NR6A1: variants seen among roughly 807,000 people sequenced by gnomAD.
The protein encoded by NR6A1 is nuclear receptor subfamily 6 group A member 1.
NR6A1 carries 7 observed loss-of-function variants against 59.1 expected under a neutral mutation model. The ratio of observed to expected loss-of-function variants is 0.12; its 90% CI spans 0.07 to 0.22. The LOEUF is 0.22. NR6A1 is among the 10% of genes least tolerant of loss of function. The pLI, the probability that NR6A1 is intolerant of heterozygous loss-of-function variation, is 1.00. For missense variants in NR6A1, 468 were observed against 611.6 expected, an observed-to-expected ratio of 0.77 and a Z score of 2.48; for synonymous variants, 243 against 236.1, an observed-to-expected ratio of 1.03 and a Z score of -0.27.
intron 1 of NR6A1, among the ~76,000 whole-genome samples, chr9:124,766,142 G>A (rs1367445886): frequency 6.6e-6 from 1 of 152,084 alleles, no homozygotes; most frequent in Non-Finnish European, 1.5e-5. Context: ...CAATACCCAA[G>A]AAAGAATTAC....
At chr9:124,680,532 T>C (rs775505944) in intron 2 of NR6A1, among the ~76,000 whole-genome samples, 1 of 152,164 alleles carries the variant, frequency 6.6e-6, no homozygotes, top group East Asian at 1.9e-4. Context: ...GCTAAATATT[T>C]AGGCAATAAG....
intron 7 of NR6A1, among the ~76,000 whole-genome samples, chr9:124,529,892 T>G (rs896381375): frequency 6.6e-6 from 1 of 152,094 alleles, no homozygotes; most frequent in Non-Finnish European, 1.5e-5. Context: ...GCCAATTTCT[T>G]TCAGTATCTG....
intron 3 of NR6A1, among the ~76,000 whole-genome samples, chr9:124,549,277 C>T (rs1320594157): frequency 2.0e-5 from 3 of 152,062 alleles, no homozygotes; most frequent in Non-Finnish European, 2.9e-5. Flanking sequence ...ACCACATGTG[C>T]AAAACAGGAA....
intron 1 of NR6A1, among the ~76,000 whole-genome samples, chr9:124,765,079 G>C (rs558320835): frequency 6.6e-6 from 1 of 152,206 alleles, no homozygotes; most frequent in Admixed American, 6.5e-5. Flanking sequence ...GAATCCAAAG[G>C]CCTCATCATT....
At chr9:124,556,308 A>G (rs1250445454) in intron 2 of NR6A1, among the ~76,000 whole-genome samples, 4 of 152,170 alleles carry the variant, frequency 2.6e-5, no homozygotes, top group Admixed American at 2.6e-4. Context: ...GCAAAAGAGA[A>G]GGTGATACGA....
rs533156010 is a variant in NR6A1, at chr9:124,628,588, C to T, written c.143-74018G>A. On this transcript the variant is annotated intron_variant, in intron 2 of 9. Coordinates refer to ENST00000487099, the MANE Select transcript of NR6A1 (RefSeq NM_033334.4). ...CAATCTCCTGACCTTGTGATCCGTCCGCCTTGGCTCCCAAAGTGCTGGGAT... is the reference window on the plus strand; with the variant it reads ...CAATCTCCTGACCTTGTGATCCGTCTGCCTTGGCTCCCAAAGTGCTGGGAT... 4.0e-5 allele frequency among the ~76,000 whole-genome samples: 6 copies of T among 151,456 alleles called. No individual in the cohort carries two copies. The South Asian group carries it at 6.3e-4, about 16-fold the overall frequency.
intron 2 of NR6A1, among the ~76,000 whole-genome samples, chr9:124,694,755 G>A (rs954128462): frequency 6.6e-6 from 1 of 152,142 alleles, no homozygotes; most frequent in South Asian, 2.1e-4. Context: ...AGTAAGAGAA[G>A]AGTCTTGTCA....
At chr9:124,582,690 C>T (rs976480541) in intron 2 of NR6A1, among the ~76,000 whole-genome samples, 1 of 152,028 alleles carries the variant, frequency 6.6e-6, no homozygotes, top group African/African-American at 2.4e-5. Context: ...AATTTGAGAC[C>T]AGCCAGGCCA....
chr9:124,703,165 A>G (rs998302465), intron 2 of NR6A1, among the ~76,000 whole-genome samples: 26 of 150,792 alleles, frequency 1.7e-4, no homozygotes, highest in Non-Finnish European at 1.5e-5. Flanking sequence ...TCAGCCTCCC[A>G]AAGTGCTGAG....
At chr9:124,608,029 G>T (rs986732871) in intron 2 of NR6A1, among the ~76,000 whole-genome samples, 2 of 152,024 alleles carry the variant, frequency 1.3e-5, no homozygotes, top group Non-Finnish European at 2.9e-5. Context: ...CCGTGATCAC[G>T]CCATCGTACT....
At chr9:124,633,896 T>C (rs1836520893) in intron 2 of NR6A1, among the ~76,000 whole-genome samples, 1 of 152,246 alleles carries the variant, frequency 6.6e-6, no homozygotes, top group Non-Finnish European at 1.5e-5. Context: ...CCAGAATTTA[T>C]TTTCATTGCA....
chr9:124,570,267 C>T (rs1564184146), intron 2 of NR6A1, among the ~76,000 whole-genome samples: 2 of 152,184 alleles, frequency 1.3e-5, no homozygotes, highest in African/African-American at 4.8e-5. Flanking sequence ...CTGCTTTTCC[C>T]GTTTCAATTC....
intron 2 of NR6A1, among the ~76,000 whole-genome samples, chr9:124,654,631 G>A (rs1588747663): frequency 6.6e-6 from 1 of 152,160 alleles, no homozygotes; most frequent in East Asian, 1.9e-4. Context: ...TGGTTCCTCA[G>A]AGAGGCATAG....
At chr9:124,738,534 A>G (rs181639104) in intron 1 of NR6A1, among the ~76,000 whole-genome samples, 54 of 152,292 alleles carry the variant, frequency 3.5e-4, no homozygotes, top group African/African-American at 1.3e-3. Flanking sequence ...GGTTATATTC[A>G]CTTGCCTCAG....
intron 2 of NR6A1, among the ~76,000 whole-genome samples, chr9:124,731,385 A>G (rs1839880439): frequency 6.6e-6 from 1 of 151,772 alleles, no homozygotes; most frequent in Non-Finnish European, 1.5e-5. Flanking sequence ...AAAAAAAAAA[A>G]GAAAGGACCA....
At chr9:124,576,370 T>C (rs1287660317) in intron 2 of NR6A1, among the ~76,000 whole-genome samples, 1 of 152,100 alleles carries the variant, frequency 6.6e-6, no homozygotes, top group African/African-American at 2.4e-5. Flanking sequence ...TCACTGCAAC[T>C]TCCACCTCCC....
At chr9:124,687,723 G>C (rs749187982) in intron 2 of NR6A1, among the ~76,000 whole-genome samples, 1 of 152,148 alleles carries the variant, frequency 6.6e-6, no homozygotes, top group Non-Finnish European at 1.5e-5. Flanking sequence ...AGAATTAGTA[G>C]TCAAAGTGCT....
chr9:124,565,346 G>C (rs1178094429), intron 2 of NR6A1, among the ~76,000 whole-genome samples: 1 of 152,156 alleles, frequency 6.6e-6, no homozygotes. Flanking sequence ...AGAATCGCTT[G>C]AACTCAGGAG....
chr9:124,655,565 C>G (rs1837234980), intron 2 of NR6A1, among the ~76,000 whole-genome samples: 1 of 152,194 alleles, frequency 6.6e-6, no homozygotes, highest in Non-Finnish European at 1.5e-5. Context: ...TCAAGAGAAA[C>G]TGGCCATCGT....
Sources: gnomAD v4.1 joint callset for allele counts (sites outside exome capture counted in the v4.1 genomes callset) on GRCh38, gnomAD v4.1.1 for gene constraint, MANE v1.5 for transcripts, NCBI Gene and HGNC (gene_info 2026-07-23, HGNC 2026-07-21) for gene names.